Variants in DCT observed in about 807,000 individuals in gnomAD.
DCT encodes L-dopachrome tautomerase.
A neutral mutation model predicts 53.0 loss-of-function variants in DCT; 47 were observed. That is an observed-to-expected ratio of 0.89 (90% confidence interval 0.70 to 1.13). The LOEUF is 1.13. Among genes scored for constraint, DCT ranks in the 50% most tolerant of loss-of-function variants. The pLI, the probability that DCT is intolerant of heterozygous loss-of-function variation, is 0.00. For missense variants in DCT, 669 were observed against 637.4 expected (o/e 1.05, Z -0.53); for synonymous variants, 244 against 237.0 (o/e 1.03, Z -0.27).
the DCT span, among the ~76,000 whole-genome samples, chr13:94,498,485 C>T: frequency 6.6e-6 from 1 of 152,146 alleles, no homozygotes; most frequent in Non-Finnish European, 1.5e-5. Context: ...GGTTAGTGCC[C>T]TAATAAGAAA....
chr13:94,542,163 C>T, the DCT span, among the ~76,000 whole-genome samples: 2 of 152,128 alleles, frequency 1.3e-5, no homozygotes, highest in African/African-American at 4.8e-5. Context: ...ATTAACATGT[C>T]TCAACCCTTA....
chr13:94,512,922 T>C, the DCT span, among the ~76,000 whole-genome samples: 1 of 152,116 alleles, frequency 6.6e-6, no homozygotes, highest in African/African-American at 2.4e-5. Flanking sequence ...GGTAACAAGA[T>C]TTGAAGAGGA....
At chr13:94,494,829 C>A in the DCT span, among the ~76,000 whole-genome samples, 1 of 152,056 alleles carries the variant, frequency 6.6e-6, no homozygotes, top group Admixed American at 6.5e-5. Context: ...ATATTACATT[C>A]TGCATTATTT....
chr13:94,530,452 G>C, the DCT span, among the ~76,000 whole-genome samples: 1 of 152,074 alleles, frequency 6.6e-6, no homozygotes, highest in Non-Finnish European at 1.5e-5. Flanking sequence ...CAATCAAGTC[G>C]GCTTCATTCC....
At chr13:94,493,739 G>A in the DCT span, among the ~76,000 whole-genome samples, 1 of 152,182 alleles carries the variant, frequency 6.6e-6, no homozygotes, top group Non-Finnish European at 1.5e-5. Flanking sequence ...AGGCTTGTAG[G>A]GAGGGAGGAA....
upstream of DCT, among the ~76,000 whole-genome samples, chr13:94,481,948 G>A (rs1326954947): frequency 6.6e-6 from 1 of 152,174 alleles, no homozygotes; most frequent in Non-Finnish European, 1.5e-5. Flanking sequence ...CTTTGCATGT[G>A]CTACTCAAAG....
chr13:94,460,951 G>A (rs1290125844), intron 5 of DCT, among the ~76,000 whole-genome samples: 1 of 152,088 alleles, frequency 6.6e-6, no homozygotes, highest in Non-Finnish European at 1.5e-5. Context: ...ATTTGTATGG[G>A]CCCAGGGCAG....
chr13:94,519,160 C>T, the DCT span, among the ~76,000 whole-genome samples: 1 of 152,280 alleles, frequency 6.6e-6, no homozygotes, highest in South Asian at 2.1e-4. Context: ...CTGCTAAAGC[C>T]CCCTATACTT....
At chr13:94,539,675 A>G in the DCT span, among the ~76,000 whole-genome samples, 3 of 152,230 alleles carry the variant, frequency 2.0e-5, no homozygotes, top group African/African-American at 7.2e-5. Flanking sequence ...TGGATTTAAA[A>G]TTAAATTCCT....
the DCT span, among the ~76,000 whole-genome samples, chr13:94,507,789 C>G: frequency 6.6e-6 from 1 of 152,146 alleles, no homozygotes; most frequent in African/African-American, 2.4e-5. Context: ...CGTGAGCCAC[C>G]GCGCCCCGCC....
rs200958297 is a variant in DCT at position 94,468,803 on chromosome 13, T to C, written c.538A>G (p.Ser180Gly). ...AGCCACACAAAAAAATCATAAACAC[T>C]GCAGTTGGCAAACTGCGGCTGGGTT... ...NGTQPQFANC[S>G]VYDFFVWLHY... The change falls in exon 2 of 8, where the codon AGT (serine) becomes GGT (glycine). Residue 180 changes from serine (S) to glycine (G), a missense_variant. Ser to Gly is a moderately conservative substitution (Grantham distance 56). Coordinates refer to ENST00000377028, the MANE Select transcript of DCT (RefSeq NM_001922.5). The C allele has an allele frequency of 4.3e-6, 7 of 1,614,186 alleles. No homozygotes were observed. In the African/African-American group the frequency reaches 8.0e-5, roughly 18 times the overall value.
upstream of DCT, among the ~76,000 whole-genome samples, chr13:94,484,188 T>A (rs9524506): frequency 0.3 from 45,749 of 152,092 alleles, 7,256 homozygotes; most frequent in Middle Eastern, 0.41. Context: ...TAATTTTGCG[T>A]CAAAGTAGAG....
At chr13:94,464,086 C>T (rs1369289942) in intron 4 of DCT, among the ~76,000 whole-genome samples, 4 of 152,220 alleles carry the variant, frequency 2.6e-5, no homozygotes, top group African/African-American at 9.6e-5. Context: ...TGGGAAATGG[C>T]GCTTGATGGA....
chr13:94,508,514 G>A, the DCT span, among the ~76,000 whole-genome samples: 1 of 152,074 alleles, frequency 6.6e-6, no homozygotes, highest in Non-Finnish European at 1.5e-5. Flanking sequence ...AAGAAAGAAG[G>A]AAAAGAAATC....
At chr13:94,530,559 T>C in the DCT span, among the ~76,000 whole-genome samples, 1 of 151,958 alleles carries the variant, frequency 6.6e-6, no homozygotes. Flanking sequence ...TCTCAATAGA[T>C]GCAGAAAAGG....
the DCT span, among the ~76,000 whole-genome samples, chr13:94,547,494 G>T: frequency 6.6e-6 from 1 of 152,088 alleles, no homozygotes; most frequent in East Asian, 1.9e-4. Context: ...ATGCCCTTCA[G>T]TCGAATTCTT....
the DCT span, among the ~76,000 whole-genome samples, chr13:94,525,388 C>T: frequency 6.6e-6 from 1 of 152,142 alleles, no homozygotes; most frequent in Non-Finnish European, 1.5e-5. Flanking sequence ...AGGCCTGAGG[C>T]ACCATGCGTG....
In DCT at chr13:94,479,439, T is replaced by C. The variant is rs1885340911; in HGVS notation, c.-184A>G. 8.7e-6 allele frequency: 5 copies of C among 576,736 alleles called. No individual in the cohort carries two copies. The highest frequency in any genetic ancestry group is 3.5e-5 in the Admixed American group (1 of 28,396). The allele number at this position is 576,736 out of a possible 1,614,324, so 35.7% of individuals were successfully genotyped here. On this transcript the variant is annotated 5_prime_UTR_variant, in exon 1 of 8. Transcript: ENST00000377028. Reference sequence around the variant, plus strand: ...CAGAGGTTACATGTGTGCACATGTGTACATGAACGTGCACACACAATTTTA... The same window carrying C: ...CAGAGGTTACATGTGTGCACATGTGCACATGAACGTGCACACACAATTTTA...
At chr13:94,465,993 T>C (rs1174899112) in intron 3 of DCT, among the ~76,000 whole-genome samples, 194 bp from the exon 4 acceptor site, 1 of 37,268 alleles carries the variant, frequency 2.7e-5, no homozygotes. Flanking sequence ...TATATATATA[T>C]ATATATATAT....
Sources: gnomAD v4.1 joint callset for allele counts (sites outside exome capture counted in the v4.1 genomes callset) on GRCh38, gnomAD v4.1.1 for gene constraint, MANE v1.5 for transcripts, NCBI Gene and HGNC (gene_info 2026-07-23, HGNC 2026-07-21) for gene names.